Variants in PTBP3 observed in about 807,000 individuals in gnomAD.
The protein encoded by PTBP3 is polypyrimidine tract binding protein 3.
Under a neutral mutation model 58.7 loss-of-function variants are expected in PTBP3, and 20 were observed. That is an observed-to-expected ratio of 0.34 (90% confidence interval 0.24 to 0.50). The LOEUF is 0.50. PTBP3 is among the 20% of genes least tolerant of loss of function. PTBP3 has a pLI of 0.98. For missense variants in PTBP3, 509 were observed against 637.2 expected, an observed-to-expected ratio of 0.80 and a Z score of 2.17; for synonymous variants, 185 against 219.8, an observed-to-expected ratio of 0.84 and a Z score of 1.40.
the PTBP3 span, among the ~76,000 whole-genome samples, chr9:112,356,595 G>C: frequency 7.8e-6 from 1 of 127,850 alleles, no homozygotes; most frequent in Admixed American, 8.2e-5. Flanking sequence ...AAAAAAAAAT[G>C]GTGAAATACA....
rs1414148026 is a variant in PTBP3 at position 112,221,264 on chromosome 9, T to C, written c.*2587A>G. 2.0e-6 allele frequency: 2 copies of C among 985,148 alleles called. No individual in the cohort carries two copies. Among genetic ancestry groups the C allele is most frequent in the African/African-American group, 1.7e-5 (1 of 57,198 alleles). The allele number at this position is 985,148 out of a possible 1,614,324, so 61.0% of individuals were successfully genotyped here. A position where few individuals can be genotyped will look rare whatever the true frequency, so the allele number is the denominator to read the frequency against. On this transcript the variant is annotated 3_prime_UTR_variant, in exon 14 of 14. Transcript: ENST00000374257. The stretch of plus-strand genomic sequence containing the variant: ...GAGTGTATTTATGTATATACACTTA[T>C]CTACACACACACACATTCACACACA...
intron 1 of PTBP3, among the ~76,000 whole-genome samples, chr9:112,321,539 A>AG (rs1385119509): frequency 2.9e-4 from 44 of 151,436 alleles, no homozygotes; most frequent in Middle Eastern, 3.4e-3. Context: ...AAAAAAAAAA[A>AG]AAAGAAAGAA....
At chr9:112,289,403 G>C (rs1023749937) in intron 2 of PTBP3, among the ~76,000 whole-genome samples, 3 of 151,898 alleles carry the variant, frequency 2.0e-5, no homozygotes, top group African/African-American at 7.3e-5. Flanking sequence ...TTTGATAAAA[G>C]GAATTTCAAG....
chr9:112,369,967 G>A, the PTBP3 span, among the ~76,000 whole-genome samples: 1 of 152,102 alleles, frequency 6.6e-6, no homozygotes, highest in Non-Finnish European at 1.5e-5. Context: ...CAGTTCCCCT[G>A]CACACACACT....
At chr9:112,367,885 C>T in the PTBP3 span, among the ~76,000 whole-genome samples, 1 of 151,880 alleles carries the variant, frequency 6.6e-6, no homozygotes, top group African/African-American at 2.4e-5. Context: ...AGTTTTCTGC[C>T]CCCTTCTCTT....
Position 112,227,550 on chromosome 9 carries a change from G to A in PTBP3, c.1225C>T (p.Leu409Phe). Residue 409 changes from leucine (L) to phenylalanine (F), a missense_variant, in exon 12 of 14, where the codon CTT (leucine) becomes TTT (phenylalanine). Leu to Phe is a conservative substitution (Grantham distance 22). This residue lies in a region of PTBP3 where 135 missense variants were observed against 229.0 expected (regional missense o/e 0.59). Coordinates refer to ENST00000374257, the MANE Select transcript of PTBP3 (RefSeq NM_001163788.4). ...TGGTCTTCTTGTCCCTCTCGAGGAA[G>A]CTGTACTGCTTGATGTTTGGACAGT... is the stretch of plus-strand genomic sequence containing the variant. The part of the protein sequence containing the change: ...ATLSKHQAVQ[L>F]PREGQEDQGL... 6.2e-7 allele frequency: 1 copy of A among 1,613,948 alleles called. No homozygotes were observed. The highest frequency in any genetic ancestry group is 8.5e-7 in the Non-Finnish European group (1 of 1,179,910).
chr9:112,281,484 C>A (rs1415145811), intron 2 of PTBP3: 1 of 152,130 alleles, frequency 6.6e-6, no homozygotes, highest in Non-Finnish European at 1.5e-5. Flanking sequence ...AATTTAATAT[C>A]TTGCTAAACA....
intron 5 of PTBP3, among the ~76,000 whole-genome samples, chr9:112,256,002 C>T (rs567722414): frequency 6.6e-6 from 1 of 151,916 alleles, no homozygotes; most frequent in Admixed American, 6.6e-5. Context: ...GCCTGTAATC[C>T]CAGCACTTTG....
At chr9:112,315,293 G>C (rs190901462) in intron 1 of PTBP3, among the ~76,000 whole-genome samples, 11 of 149,294 alleles carry the variant, frequency 7.4e-5, no homozygotes, top group Admixed American at 6.7e-4. Flanking sequence ...AAAGTAGTAA[G>C]CTTTAAAAAA....
At chr9:112,329,626 T>A (rs1040212074) in intron 1 of PTBP3, among the ~76,000 whole-genome samples, 1 of 152,180 alleles carries the variant, frequency 6.6e-6, no homozygotes, top group Non-Finnish European at 1.5e-5. Context: ...CACCACATCT[T>A]GGACACAAAC....
intron 4 of PTBP3, 80 bp from the exon 5 acceptor site, chr9:112,262,679 G>A (rs1836649107): frequency 1.8e-5 from 23 of 1,292,962 alleles, no homozygotes; most frequent in Non-Finnish European, 2.3e-5. Context: ...ACATAAAACA[G>A]TATGAAGCAA....
At chr9:112,297,566 C>G (rs1455929464) in intron 2 of PTBP3, among the ~76,000 whole-genome samples, 3 of 152,232 alleles carry the variant, frequency 2.0e-5, no homozygotes, top group East Asian at 3.9e-4. Flanking sequence ...AATTTATTGA[C>G]AGTATTTTTA....
intron 2 of PTBP3, among the ~76,000 whole-genome samples, chr9:112,283,697 G>A (rs531635319): frequency 2.0e-5 from 3 of 152,224 alleles, no homozygotes; most frequent in Admixed American, 1.3e-4. Flanking sequence ...TTGCCAAGAC[G>A]ATATGGAAAA....
At chr9:112,224,526 T>G (rs1834910446) in intron 12 of PTBP3, among the ~76,000 whole-genome samples, 1 of 152,238 alleles carries the variant, frequency 6.6e-6, no homozygotes, top group African/African-American at 2.4e-5. Context: ...TACCACTGGC[T>G]TTAGTAATCA....
At position 112,277,632 on chromosome 9, in the gene PTBP3, T is replaced by C. The variant is rs559067294; in HGVS notation, c.35-1619A>G. On this transcript the variant is annotated intron_variant, in intron 2 of 13. Transcript: ENST00000374257. ...AGCACTTTGGGAGGCTGAGGTGGGC[T>C]GATCACCTGCAGTCAGGAGTTCGAG... Among the ~76,000 whole-genome samples the C allele has an allele frequency of 2.5e-3, 383 of 151,934 alleles. 2 individuals are homozygous for C. The highest frequency in any genetic ancestry group is 8.9e-3 in the African/African-American group (367 of 41,428).
chr9:112,359,257 G>A, the PTBP3 span, among the ~76,000 whole-genome samples: 36,895 of 150,378 alleles, frequency 0.25, 4,914 homozygotes, highest in East Asian at 0.36. Flanking sequence ...CCTGGCCAAC[G>A]TGGTGAAACC....
intron 3 of PTBP3, 91 bp from the exon 4 acceptor site, chr9:112,268,286 T>C (rs1827194870): frequency 1.5e-6 from 2 of 1,317,496 alleles, no homozygotes; most frequent in Non-Finnish European, 2.0e-6. Context: ...TCTAAACCCA[T>C]GCACTCTCAA....
At chr9:112,372,683 C>T in the PTBP3 span, among the ~76,000 whole-genome samples, 1 of 152,092 alleles carries the variant, frequency 6.6e-6, no homozygotes, top group South Asian at 2.1e-4. Flanking sequence ...TTTGTGTCTG[C>T]CTTCTTTCAC....
At chr9:112,353,192 C>T in the PTBP3 span, among the ~76,000 whole-genome samples, 6 of 151,970 alleles carry the variant, frequency 3.9e-5, no homozygotes, top group African/African-American at 7.2e-5. Flanking sequence ...TGAGCCACGG[C>T]GCCCAGCTGA....
Sources: gnomAD v4.1 joint callset for allele counts (sites outside exome capture counted in the v4.1 genomes callset) on GRCh38, gnomAD v4.1.1 for gene constraint, gnomAD v4.1.1 regional missense constraint, MANE v1.5 for transcripts, NCBI Gene and HGNC (gene_info 2026-07-23, HGNC 2026-07-21) for gene names.